Variants in C2orf66 observed in about 807,000 individuals in gnomAD.
The protein encoded by C2orf66 is chromosome 2 open reading frame 66, also known as uncharacterized protein C2orf66.
In C2orf66, 6 loss-of-function variants were observed where a neutral mutation model predicts 7.0. The ratio of observed to expected loss-of-function variants is 0.86; its 90% CI spans 0.47 to 1.69. C2orf66 has a LOEUF of 1.69. Ranked by LOEUF, C2orf66 falls within the 40% of genes most tolerant of loss-of-function variation. The pLI, the probability that C2orf66 is intolerant of heterozygous loss-of-function variation, is 0.01. For synonymous variants in C2orf66, 38 were observed against 43.8 expected (o/e 0.87, Z 0.52); for missense variants, 107 against 112.0 (o/e 0.96, Z 0.20).
chr2:196,810,888 G>C (rs1192717691), upstream of C2orf66, among the ~76,000 whole-genome samples: 1 of 152,176 alleles, frequency 6.6e-6, no homozygotes. Context: ...ATAGAGTAGT[G>C]GGCAAGACAA....
At chr2:196,809,946 C>G (rs1037339223), upstream of C2orf66, 1 of 152,220 alleles carries the variant, frequency 6.6e-6, no homozygotes, top group Non-Finnish European at 1.5e-5. Context: ...CCTAGGTTAT[C>G]CTGCCTATAA....
At chr2:196,819,181 G>A in the C2orf66 span, among the ~76,000 whole-genome samples, 4 of 152,118 alleles carry the variant, frequency 2.6e-5, no homozygotes, top group African/African-American at 4.8e-5. Context: ...ATACCACTGC[G>A]TCATTTCAAC....
the C2orf66 span, among the ~76,000 whole-genome samples, chr2:196,828,230 T>TCACACACA: frequency 4.0e-3 from 505 of 125,144 alleles, 2 homozygotes; most frequent in African/African-American, 9.4e-3. Context: ...TCTCTCTCTC[T>TCACACACA]CACACACACA....
At chr2:196,828,209 ATCTC>A in the C2orf66 span, among the ~76,000 whole-genome samples, 28 of 140,726 alleles carry the variant, frequency 2.0e-4, no homozygotes, top group East Asian at 4.2e-4. Flanking sequence ...ACGAATCAAA[ATCTC>A]TCTCTCTCTC....
chr2:196,807,175 C>A (rs973210698), intron 2 of C2orf66, among the ~76,000 whole-genome samples: 35 of 151,938 alleles, frequency 2.3e-4, no homozygotes, highest in African/African-American at 7.5e-4. Flanking sequence ...AGAGATAATT[C>A]TATTATTTTA....
At chr2:196,827,120 G>T in the C2orf66 span, among the ~76,000 whole-genome samples, 1 of 151,200 alleles carries the variant, frequency 6.6e-6, no homozygotes, top group African/African-American at 2.4e-5. Context: ...AATTTTAGAA[G>T]TCCAGCTACT....
chr2:196,821,496 G>C, the C2orf66 span, among the ~76,000 whole-genome samples: 12 of 152,136 alleles, frequency 7.9e-5, no homozygotes, highest in Non-Finnish European at 1.5e-4. Flanking sequence ...TTTGAGGAAG[G>C]CTGAGCTTCT....
the C2orf66 span, among the ~76,000 whole-genome samples, chr2:196,819,174 C>T: frequency 1.3e-5 from 2 of 152,172 alleles, no homozygotes; most frequent in Non-Finnish European, 2.9e-5. Context: ...GAAAAAGATA[C>T]CACTGCGTCA....
the C2orf66 span, among the ~76,000 whole-genome samples, chr2:196,815,533 G>T: frequency 6.6e-6 from 1 of 152,146 alleles, no homozygotes; most frequent in African/African-American, 2.4e-5. Context: ...AAAGGGTGTG[G>T]TAGCAGGCAA....
the C2orf66 span, among the ~76,000 whole-genome samples, chr2:196,826,805 G>C: frequency 6.6e-6 from 1 of 152,014 alleles, no homozygotes; most frequent in African/African-American, 2.4e-5. Context: ...GACCGAGGTG[G>C]GCAGATCACG....
upstream of C2orf66, among the ~76,000 whole-genome samples, chr2:196,810,896 C>G (rs1007053797): frequency 6.6e-6 from 1 of 152,150 alleles, no homozygotes; most frequent in African/African-American, 2.4e-5. Flanking sequence ...GTGGGCAAGA[C>G]AAACATTAAT....
At chr2:196,830,406 A>G in the C2orf66 span, among the ~76,000 whole-genome samples, 3 of 152,220 alleles carry the variant, frequency 2.0e-5, no homozygotes, top group Non-Finnish European at 4.4e-5. Flanking sequence ...GAATGGACTT[A>G]GAGGCATGAA....
At chr2:196,830,040 A>T in the C2orf66 span, among the ~76,000 whole-genome samples, 1 of 152,190 alleles carries the variant, frequency 6.6e-6, no homozygotes, top group Non-Finnish European at 1.5e-5. Context: ...CTTCCCTCAA[A>T]ATATATCCTC....
At chr2:196,809,079 C>T in intron 1 of C2orf66, 135 bp downstream of exon 1, 1 of 932,642 alleles carries the variant, frequency 1.1e-6, no homozygotes, top group Non-Finnish European at 1.6e-6. Context: ...AAACTCTGGT[C>T]CAATCCTGTT....
chr2:196,810,669 C>T (rs757472194), upstream of C2orf66, among the ~76,000 whole-genome samples: 3 of 152,162 alleles, frequency 2.0e-5, no homozygotes, highest in South Asian at 6.2e-4. Context: ...CTGGTGATCT[C>T]GACTGGAAAT....
At chr2:196,829,770 G>A in the C2orf66 span, among the ~76,000 whole-genome samples, 4 of 151,726 alleles carry the variant, frequency 2.6e-5, no homozygotes, top group Non-Finnish European at 4.4e-5. Context: ...GGTGGCGGGC[G>A]CCTGTAGTCC....
At chr2:196,822,374 C>G in the C2orf66 span, among the ~76,000 whole-genome samples, 1 of 152,098 alleles carries the variant, frequency 6.6e-6, no homozygotes, top group African/African-American at 2.4e-5. Context: ...AATAAATAAG[C>G]AAACGTTTAT....
At chr2:196,828,406 T>C in the C2orf66 span, among the ~76,000 whole-genome samples, 7 of 152,270 alleles carry the variant, frequency 4.6e-5, no homozygotes, top group Admixed American at 1.3e-4. Flanking sequence ...CTATGGAATA[T>C]TAAGTATAGC....
At chr2:196,816,144 A>G in the C2orf66 span, among the ~76,000 whole-genome samples, 3 of 152,340 alleles carry the variant, frequency 2.0e-5, no homozygotes, top group South Asian at 6.2e-4. Context: ...GCTGTGGGTC[A>G]AGGGAGCCAT....
Sources: gnomAD v4.1 joint callset for allele counts (sites outside exome capture counted in the v4.1 genomes callset) on GRCh38, gnomAD v4.1.1 for gene constraint, MANE v1.5 for transcripts, NCBI Gene and HGNC (gene_info 2026-07-23, HGNC 2026-07-21) for gene names.